IFI44L: variants seen among roughly 807,000 people sequenced by gnomAD.
IFI44L encodes interferon-induced protein 44-like.
Under a neutral mutation model 39.3 loss-of-function variants are expected in IFI44L, and 40 were observed. The observed-to-expected ratio is 1.02, with a 90% CI of 0.79 to 1.33. The LOEUF is 1.33. IFI44L is among the 40% of genes most tolerant of loss of function. IFI44L has a pLI of 0.00. For synonymous variants in IFI44L, 198 were observed against 182.3 expected, an observed-to-expected ratio of 1.09 and a Z score of -0.69; for missense variants, 623 against 549.0, an observed-to-expected ratio of 1.13 and a Z score of -1.35.
chr1:78,633,646 A>G (rs1652835417), intron 4 of IFI44L, among the ~76,000 whole-genome samples: 1 of 152,186 alleles, frequency 6.6e-6, no homozygotes, highest in Non-Finnish European at 1.5e-5. Flanking sequence ...AGATGTTTAT[A>G]CATTGACACA....
Position 78,635,442 on chromosome 1 carries a change from G to A in IFI44L, c.829G>A (p.Asp277Asn), listed in dbSNP as rs777051846. ...DGAEGAGLCMDDIPHILKGCM... is the reference protein window; with the variant it reads ...DGAEGAGLCMNDIPHILKGCM... ...GGCAGAAGGAGCAGGACTGTGCATG[G>A]ATGACATTCCCCACATCTTAAAAGG... Residue 277 changes from aspartate (D) to asparagine (N), a missense_variant, in exon 5 of 9, where the codon GAT becomes AAT. By Grantham distance (23) the Asp-to-Asn change is conservative. Coordinates refer to ENST00000370751, the MANE Select transcript of IFI44L (RefSeq NM_006820.4). The A allele has an allele frequency of 6.2e-7, 1 of 1,613,510 alleles. No individual in the cohort carries two copies. The highest frequency in any genetic ancestry group is 8.5e-7 in the Non-Finnish European group (1 of 1,179,644).
In IFI44L at chr1:78,628,163, T is replaced by C. The variant is rs1425824637; in HGVS notation, c.248T>C (p.Leu83Pro). ...HESSTEPNDS[L>P]WFSLQKKNDT... is the part of the protein sequence containing the mutation. The stretch of plus-strand genomic sequence containing the variant: ...AGTTCTACAGAGCCAAATGATTCCC[T>C]ATGGTTTTCACTTCAAAAGAAAAAT... The change falls in exon 2 of 9, where the codon CTA (leucine) becomes CCA (proline). Residue 83 changes from leucine (L) to proline (P), a missense_variant. Transcript: ENST00000370751. 1 of 1,612,504 alleles carries C rather than the reference T, an allele frequency of 6.2e-7. No homozygotes were observed. The highest frequency in any genetic ancestry group is 8.5e-7 in the Non-Finnish European group (1 of 1,179,110).
chr1:78,635,436 T>G lies in IFI44L; in HGVS notation c.823T>G (p.Cys275Gly), dbSNP rs746580056. ...GLDGAEGAGL[C>G]MDDIPHILKG... is the part of the protein sequence containing the mutation. ...AGATGGGGCAGAAGGAGCAGGACTG[T>G]GCATGGATGACATTCCCCACATCTT... The change falls in exon 5 of 9, where the codon TGC becomes GGC. Residue 275 changes from cysteine (C) to glycine (G), a missense_variant. Coordinates refer to ENST00000370751, the MANE Select transcript of IFI44L (RefSeq NM_006820.4). 3 of 1,613,562 alleles carry G rather than the reference T, an allele frequency of 1.9e-6. No homozygotes were observed. The highest frequency in any genetic ancestry group is 3.3e-5 in the Admixed American group (2 of 59,940).
Position 78,628,128 on chromosome 1 carries a change from T to G in IFI44L, c.213T>G (p.Asn71Lys), listed in dbSNP as rs1255465104. 2 of 1,612,162 alleles carry G rather than the reference T, an allele frequency of 1.2e-6. No individual in the cohort carries two copies. The highest frequency in any genetic ancestry group is 1.7e-6 in the Non-Finnish European group (2 of 1,179,148). ...IVAFMLGNYI[N>K]LHESSTEPND... ...CCTTTATGCTTGGAAATTATATTAA[T>G]TTACATGAAAGTTCTACAGAGCCAA... The change falls in exon 2 of 9, where the codon AAT becomes AAG. Residue 71 changes from asparagine (N) to lysine (K), a missense_variant. Physicochemically the swap from Asn to Lys is moderately conservative, Grantham distance 94. Coordinates refer to ENST00000370751, the MANE Select transcript of IFI44L (RefSeq NM_006820.4).
intron 1 of IFI44L, among the ~76,000 whole-genome samples, chr1:78,622,850 G>C (rs974091679): frequency 6.6e-6 from 1 of 152,170 alleles, no homozygotes; most frequent in Non-Finnish European, 1.5e-5. Context: ...ACAACCATAG[G>C]AGCTTGGAAG....
In IFI44L at chr1:78,644,760, A is replaced by G. The variant is rs912835826; in HGVS notation, c.*2951A>G. The G allele has an allele frequency of 1.1e-4, 16 of 152,164 alleles. No homozygotes were observed. Among genetic ancestry groups the G allele is most frequent in the African/African-American group, 2.9e-4 (12 of 41,414 alleles). The allele number at this position is 152,164 out of a possible 1,614,324, so 9.4% of individuals were successfully genotyped here. ...ATAGTGCTAAGGAGTATAGCAGATGACCTATATGTGTGTTGGCTGGGAGAA... is the reference window on the plus strand; with the variant it reads ...ATAGTGCTAAGGAGTATAGCAGATGGCCTATATGTGTGTTGGCTGGGAGAA... On this transcript the variant is annotated 3_prime_UTR_variant, in exon 9 of 9. Coordinates refer to ENST00000370751, the MANE Select transcript of IFI44L (RefSeq NM_006820.4).
At chr1:78,635,146 A>G (rs1023013446) in intron 4 of IFI44L, among the ~76,000 whole-genome samples, 191 bp from the exon 5 acceptor site, 1 of 151,982 alleles carries the variant, frequency 6.6e-6, no homozygotes, top group Non-Finnish European at 1.5e-5. Flanking sequence ...TTAAATATCC[A>G]TAGATATAAC....
At position 78,621,609 on chromosome 1, in the gene IFI44L, G is replaced by T. The variant is rs574007504; in HGVS notation, c.-11+1038G>T. ...TTTACCTTTCTTTTTATTTCCAGAA[G>T]GCAACATTATCTAGACTTTGGTATA... is the stretch of plus-strand genomic sequence containing the variant. On this transcript the variant is annotated intron_variant, in intron 1 of 8. Coordinates refer to ENST00000370751, the MANE Select transcript of IFI44L (RefSeq NM_006820.4). Among the ~76,000 whole-genome samples, 14 of 151,910 alleles carry T rather than the reference G, an allele frequency of 9.2e-5. No homozygotes were observed. In the South Asian group the frequency reaches 2.7e-3, roughly 29 times the overall value.
intron 5 of IFI44L, 41 bp downstream of exon 5, chr1:78,635,530 C>T (rs2100378759): frequency 6.3e-7 from 1 of 1,585,786 alleles, no homozygotes; most frequent in Non-Finnish European, 8.6e-7. Flanking sequence ...AAATCATTTT[C>T]TTCAGTATTT....
intron 1 of IFI44L, chr1:78,625,605 T>C (rs1249753619): frequency 6.6e-6 from 1 of 152,084 alleles, no homozygotes; most frequent in East Asian, 1.9e-4. Flanking sequence ...TAATCTTCTC[T>C]ATTGTATACT....
chr1:78,638,730 C>T (rs188020730), intron 6 of IFI44L, among the ~76,000 whole-genome samples: 1 of 152,016 alleles, frequency 6.6e-6, no homozygotes, highest in Admixed American at 6.6e-5. Flanking sequence ...CAAGAATGTT[C>T]CTACTTGGTT....
intron 1 of IFI44L, chr1:78,625,763 C>T (rs1320477432): frequency 1.3e-5 from 2 of 151,876 alleles, no homozygotes; most frequent in Non-Finnish European, 2.9e-5. Context: ...TTCTCCATTT[C>T]TAATACATAT....
chr1:78,627,785 CCAAA>C (rs1331475230), intron 1 of IFI44L, 117 bp from the exon 2 acceptor site: 8 of 461,570 alleles, frequency 1.7e-5, no homozygotes, highest in African/African-American at 8.1e-5. Context: ...TTTGCCTTAA[CCAAA>C]CAATGTGTTT....
rs202037515 is a variant in IFI44L, at chr1:78,635,022, A to G, written c.724-315A>G. Among the ~76,000 whole-genome samples, 7 of 21,380 alleles carry G rather than the reference A, an allele frequency of 3.3e-4. No individual in the cohort carries two copies. In the South Asian group the frequency reaches 6.1e-3, roughly 19 times the overall value. The allele number at this position is 21,380 out of a possible 152,430, so 14.0% of individuals were successfully genotyped here. ...TATATGTGTGTGTGTGTGTGTGTGT[A>G]TGTGTATATATATATATATATACAC... On this transcript the variant is annotated intron_variant, in intron 4 of 8. Coordinates refer to ENST00000370751, the MANE Select transcript of IFI44L (RefSeq NM_006820.4).
intron 4 of IFI44L, among the ~76,000 whole-genome samples, chr1:78,633,751 T>C (rs1652840045): frequency 6.6e-6 from 1 of 152,080 alleles, no homozygotes; most frequent in African/African-American, 2.4e-5. Flanking sequence ...TGGAGATGTA[T>C]GAACCACCCG....
chr1:78,629,706 C>T lies in IFI44L; in HGVS notation c.528-14C>T. The T allele has an allele frequency of 6.3e-7, 1 of 1,596,542 alleles. No individual in the cohort carries two copies. The highest frequency in any genetic ancestry group is 1.3e-5 in the African/African-American group (1 of 74,248). ...GCTGTTCTGATGCTGTATTTAACCA[C>T]TATATTTTAACAGGCACAGAAATAG... On this transcript the variant is annotated splice_polypyrimidine_tract_variant and intron_variant, in intron 3 of 8. Transcript: ENST00000370751.
At chr1:78,637,919 G>C (rs1206025605) in intron 6 of IFI44L, among the ~76,000 whole-genome samples, 1 of 151,990 alleles carries the variant, frequency 6.6e-6, no homozygotes, top group Non-Finnish European at 1.5e-5. Context: ...GTTTTGTGTG[G>C]ATATAAGTTT....
rs184337732 is a variant in IFI44L, at chr1:78,625,215, A to G, written c.-10-2691A>G. On this transcript the variant is annotated intron_variant, in intron 1 of 8. Coordinates refer to ENST00000370751, the MANE Select transcript of IFI44L (RefSeq NM_006820.4). ...TATTCTCTGGAAGAACATGTGTAAGATTGTGTATTATTTATTCTTCAAAAT... is the reference window on the plus strand; with the variant it reads ...TATTCTCTGGAAGAACATGTGTAAGGTTGTGTATTATTTATTCTTCAAAAT... Among the ~76,000 whole-genome samples the G allele has an allele frequency of 8.0e-4, 121 of 152,134 alleles. 2 individuals are homozygous for G. The highest frequency in any genetic ancestry group is 2.4e-3 in the African/African-American group (100 of 41,534).
At chr1:78,623,401 T>TTG (rs1557681347) in intron 1 of IFI44L, among the ~76,000 whole-genome samples, 2 of 35,336 alleles carry the variant, frequency 5.7e-5, no homozygotes, top group African/African-American at 1.3e-4. Context: ...TTTTTGTTTT[T>TTG]TTTTTTTTTT....
Sources: gnomAD v4.1 joint callset for allele counts (sites outside exome capture counted in the v4.1 genomes callset) on GRCh38, gnomAD v4.1.1 for gene constraint, MANE v1.5 for transcripts, NCBI Gene and HGNC (gene_info 2026-07-23, HGNC 2026-07-21) for gene names.